Variants in PDE7B observed in about 807,000 individuals in gnomAD.
The protein encoded by PDE7B is 3',5'-cyclic-AMP phosphodiesterase 7B.
In PDE7B, 29 loss-of-function variants were observed where a neutral mutation model predicts 56.2. The observed-to-expected ratio is 0.52, with a 90% CI of 0.38 to 0.70. PDE7B has a LOEUF of 0.70. Among genes scored for constraint, PDE7B ranks in the 30% least tolerant of loss-of-function variants. PDE7B has a pLI of 0.00. For missense variants in PDE7B, 490 were observed against 565.0 expected (o/e 0.87, Z 1.35); for synonymous variants, 197 against 196.9 (o/e 1.00, Z 0.00).
At chr6:136,104,178 CA>C (rs780563674) in intron 2 of PDE7B, among the ~76,000 whole-genome samples, 2 of 145,690 alleles carry the variant, frequency 1.4e-5, no homozygotes, top group Admixed American at 6.6e-5. Flanking sequence ...CCTGAAGGGG[CA>C]AAAAAAAGCA....
intron 6 of PDE7B, 47 bp downstream of exon 6, chr6:136,151,302 G>A (rs1778509750): frequency 3.3e-6 from 3 of 895,948 alleles, no homozygotes; most frequent in Non-Finnish European, 5.7e-6. Flanking sequence ...TTGAATAATG[G>A]CAATGCATAA....
chr6:136,111,200 G>A (rs2128442278), intron 3 of PDE7B: 1 of 152,122 alleles, frequency 6.6e-6, no homozygotes. Context: ...ACCCCAAAAA[G>A]ACTATAAGAT....
intron 2 of PDE7B, among the ~76,000 whole-genome samples, chr6:136,076,994 T>C (rs1001485139): frequency 2.0e-5 from 3 of 151,906 alleles, no homozygotes; most frequent in Non-Finnish European, 4.4e-5. Flanking sequence ...GAATACACCA[T>C]ATGCGGGTAT....
At chr6:135,989,577 G>A (rs1399278887) in intron 2 of PDE7B, among the ~76,000 whole-genome samples, 1 of 152,116 alleles carries the variant, frequency 6.6e-6, no homozygotes, top group Non-Finnish European at 1.5e-5. Flanking sequence ...TGGTGCCATT[G>A]CACTCCAGGC....
chr6:135,906,827 T>TTTTTTTTTTTGTTTTTTTG (rs1554265693), intron 1 of PDE7B, among the ~76,000 whole-genome samples: 2 of 133,454 alleles, frequency 1.5e-5, no homozygotes, highest in African/African-American at 2.8e-5. Context: ...TTTTTTTTTT[T>TTTTTTTTTTTGTTTTTTTG]TTTTTTTTTA....
At chr6:135,968,560 A>T (rs1775038689) in intron 2 of PDE7B, among the ~76,000 whole-genome samples, 1 of 152,196 alleles carries the variant, frequency 6.6e-6, no homozygotes, top group Admixed American at 6.5e-5. Flanking sequence ...GACATCACTG[A>T]TCATTATAGT....
chr6:136,018,332 C>T (rs531903010), intron 2 of PDE7B, among the ~76,000 whole-genome samples: 2 of 152,354 alleles, frequency 1.3e-5, no homozygotes, highest in African/African-American at 4.8e-5. Flanking sequence ...CAAAACCACA[C>T]TGCACCTGAA....
In PDE7B at chr6:135,941,837, T is replaced by C. The variant is rs145313211; in HGVS notation, c.22-5627T>C. On this transcript the variant is annotated intron_variant, in intron 1 of 12. Coordinates refer to ENST00000308191, the MANE Select transcript of PDE7B (RefSeq NM_018945.4). ...GTCTTTGGTTTTATTTGTTTGCTAA[T>C]GTTTCCACTGTTCTGAAGATATCAA... is the stretch of plus-strand genomic sequence containing the variant. Among the ~76,000 whole-genome samples the C allele has an allele frequency of 1.9e-3, 286 of 152,340 alleles. 1 individual carries two copies. The highest frequency in any genetic ancestry group is 6.8e-3 in the Middle Eastern group (2 of 294).
chr6:136,108,175 C>A (rs1777682092), intron 2 of PDE7B, among the ~76,000 whole-genome samples: 2 of 145,722 alleles, frequency 1.4e-5, no homozygotes, highest in African/African-American at 5.1e-5. Context: ...ATAAAGGGAA[C>A]CTACAAATAA....
intron 2 of PDE7B, 100 bp downstream of exon 2, chr6:135,947,624 G>T: frequency 6.1e-6 from 5 of 817,854 alleles, no homozygotes; most frequent in Non-Finnish European, 1.1e-5. Context: ...GTTTTGAAGA[G>T]GCTGATAGGT....
chr6:136,116,355 G>A (rs895072659), intron 3 of PDE7B, among the ~76,000 whole-genome samples: 1 of 152,234 alleles, frequency 6.6e-6, no homozygotes, highest in African/African-American at 2.4e-5. Flanking sequence ...GTCTCATTAA[G>A]AAGAGGATCT....
intron 1 of PDE7B, among the ~76,000 whole-genome samples, chr6:135,862,640 G>A (rs1460532587): frequency 2.6e-5 from 4 of 151,496 alleles, no homozygotes; most frequent in African/African-American, 9.7e-5. Flanking sequence ...AGTCCATCTG[G>A]GTCTGAAATA....
intron 2 of PDE7B, among the ~76,000 whole-genome samples, chr6:136,013,337 G>T (rs1017179704): frequency 2.0e-5 from 3 of 152,160 alleles, no homozygotes; most frequent in African/African-American, 7.2e-5. Flanking sequence ...CAGGCATGCT[G>T]ACAATGGCCA....
chr6:135,895,197 A>G (rs1775877330), intron 1 of PDE7B, among the ~76,000 whole-genome samples: 1 of 152,224 alleles, frequency 6.6e-6, no homozygotes, highest in African/African-American at 2.4e-5. Flanking sequence ...TAGAAGGCAC[A>G]TGTAACAAAA....
intron 1 of PDE7B, among the ~76,000 whole-genome samples, chr6:135,880,114 C>T (rs1031159400): frequency 6.6e-6 from 1 of 152,124 alleles, no homozygotes. Flanking sequence ...AACATCACCC[C>T]ACAAACCACA....
chr6:135,873,489 A>G (rs2128187197), intron 1 of PDE7B, among the ~76,000 whole-genome samples: 1 of 152,294 alleles, frequency 6.6e-6, no homozygotes, highest in East Asian at 1.9e-4. Context: ...TATCTTTTAT[A>G]TAGATCTTTA....
intron 3 of PDE7B, among the ~76,000 whole-genome samples, chr6:136,124,703 C>CT (rs910071114): frequency 1.3e-5 from 2 of 152,238 alleles, no homozygotes; most frequent in African/African-American, 2.4e-5. Context: ...CAGAACAATG[C>CT]TTTTTTTCAC....
At chr6:136,136,404 C>T (rs916121177) in intron 3 of PDE7B, among the ~76,000 whole-genome samples, 2 of 152,018 alleles carry the variant, frequency 1.3e-5, no homozygotes, top group Non-Finnish European at 2.9e-5. Flanking sequence ...GTCTCCAAAA[C>T]CTTACAGCAT....
In PDE7B at chr6:136,100,609, C is replaced by T. The variant is rs181865275; in HGVS notation, c.83-8122C>T. Among the ~76,000 whole-genome samples the T allele has an allele frequency of 4.1e-3, 619 of 152,236 alleles. 10 individuals are homozygous for T. The highest frequency in any genetic ancestry group is 0.015 in the African/African-American group (604 of 41,546). ...GTATGGAATGCTTGTGATTTTTGCA[C>T]ATTGATTTTGTATCCTGAGACTTTG... On this transcript the variant is annotated intron_variant, in intron 2 of 12. Transcript: ENST00000308191.
Sources: gnomAD v4.1 joint callset for allele counts (sites outside exome capture counted in the v4.1 genomes callset) on GRCh38, gnomAD v4.1.1 for gene constraint, MANE v1.5 for transcripts, NCBI Gene and HGNC (gene_info 2026-07-23, HGNC 2026-07-21) for gene names.